The following NCOA2 variants were observed in gnomAD, a reference collection of about 807,000 sequenced individuals.
NCOA2 encodes class E basic helix-loop-helix protein 75.
NCOA2 carries 21 observed loss-of-function variants against 145.1 expected under a neutral mutation model. The observed-to-expected ratio is 0.14, with a 90% CI of 0.10 to 0.21. The LOEUF is 0.21. Among genes scored for constraint, NCOA2 ranks in the 10% least tolerant of loss-of-function variants. The probability of loss-of-function intolerance (pLI) is 1.00; values close to 1 mark genes in which losing one functional copy is unlikely to be tolerated. For synonymous variants in NCOA2, 619 were observed against 637.5 expected (o/e 0.97, Z 0.44); for missense variants, 1,472 against 1,837.6 (o/e 0.80, Z 3.64).
At chr8:70,230,906 C>T (rs1821073366) in intron 2 of NCOA2, among the ~76,000 whole-genome samples, 1 of 152,136 alleles carries the variant, frequency 6.6e-6, no homozygotes, top group South Asian at 2.1e-4. Context: ...TTAATGTTAT[C>T]CACCATGTCA....
intron 2 of NCOA2, among the ~76,000 whole-genome samples, chr8:70,289,010 C>T (rs1167365680): frequency 1.3e-5 from 2 of 152,138 alleles, no homozygotes; most frequent in African/African-American, 4.8e-5. Flanking sequence ...TAATAAGAAA[C>T]TCATCAAACC....
At chr8:70,387,523 A>C (rs1252607474) in intron 1 of NCOA2, among the ~76,000 whole-genome samples, 1 of 152,170 alleles carries the variant, frequency 6.6e-6, no homozygotes, top group Non-Finnish European at 1.5e-5. Context: ...TCAACTTTCT[A>C]CAAATTAGCC....
At chr8:70,287,118 C>T (rs953346314) in intron 2 of NCOA2, among the ~76,000 whole-genome samples, 1 of 152,044 alleles carries the variant, frequency 6.6e-6, no homozygotes, top group African/African-American at 2.4e-5. Context: ...GTGGTATACA[C>T]CTGTAATCTC....
At position 70,166,606 on chromosome 8, in the gene NCOA2, G is replaced by A. The variant is rs371127608; in HGVS notation, c.690C>T (p.Phe230=). 21 of 1,613,828 alleles carry A rather than the reference G, an allele frequency of 1.3e-5. No homozygotes were observed. The highest frequency in any genetic ancestry group is 1.6e-5 in the Non-Finnish European group (19 of 1,179,886). ...TGATGGACTTTGGTTGAGAGACAGC[G>A]AAGCACTGCATAGTTTCATATTTCT... The part of the protein sequence containing the change: ...AHQKYETMQC[F]AVSQPKSIKE... The change falls in exon 7 of 23, where the codon TTC becomes TTT. Residue 230 remains phenylalanine (F), a synonymous_variant. Transcript: ENST00000452400.
intron 1 of NCOA2, among the ~76,000 whole-genome samples, chr8:70,310,878 C>G (rs1805053784): frequency 6.6e-6 from 1 of 152,170 alleles, no homozygotes; most frequent in South Asian, 2.1e-4. Context: ...TAGCATTTCT[C>G]TATTCAAATT....
chr8:70,247,909 T>C (rs1476909970), intron 2 of NCOA2, among the ~76,000 whole-genome samples: 1 of 152,250 alleles, frequency 6.6e-6, no homozygotes, highest in Non-Finnish European at 1.5e-5. Flanking sequence ...TCAAGATGTA[T>C]TGCTGTTAGC....
chr8:70,286,746 G>A (rs1400577789), intron 2 of NCOA2, among the ~76,000 whole-genome samples: 1 of 152,096 alleles, frequency 6.6e-6, no homozygotes, highest in Non-Finnish European at 1.5e-5. Context: ...ATACTCATAA[G>A]CAACCAAAAA....
At position 70,116,221 on chromosome 8, in the gene NCOA2, A is replaced by G. The variant is rs143892555; in HGVS notation, c.4384-2578T>C. On this transcript the variant is annotated intron_variant, in intron 22 of 22. Coordinates refer to ENST00000452400, the MANE Select transcript of NCOA2 (RefSeq NM_006540.4). ...AAAAAAAAAAAAGGATGACAGTAGT[A>G]TCTTGTTCAACAAATAGAACCAAGT... Among the ~76,000 whole-genome samples, 557 of 147,818 alleles carry G rather than the reference A, an allele frequency of 3.8e-3. 1 individual carries two copies. Among genetic ancestry groups the G allele is most frequent in the Non-Finnish European group, 6.2e-3 (414 of 67,192 alleles).
In NCOA2 at chr8:70,156,859, G is replaced by A. The variant is rs1450791362; in HGVS notation, c.1506C>T (p.Ile502=). Residue 502 remains isoleucine (I), a synonymous_variant, in exon 11 of 23, where the codon ATC becomes ATT. Coordinates refer to ENST00000452400, the MANE Select transcript of NCOA2 (RefSeq NM_006540.4). ...CTGCAGGGGAAAACTGACTGGGTGG[G>A]ATTCGAGGGCTGCCAGCCACTCCAG... ...MSPGVAGSPR[I]PPSQFSPAGS... 1 of 1,613,888 alleles carries A rather than the reference G, an allele frequency of 6.2e-7. No individual in the cohort carries two copies. The highest frequency in any genetic ancestry group is 2.2e-5 in the East Asian group (1 of 44,892).
chr8:70,366,413 GT>G (rs1338456530), intron 1 of NCOA2, among the ~76,000 whole-genome samples: 3 of 152,022 alleles, frequency 2.0e-5, no homozygotes, highest in Non-Finnish European at 4.4e-5. Context: ...TAATATAAAG[GT>G]TATTAAATGT....
At chr8:70,338,699 G>A (rs1807852786) in intron 1 of NCOA2, among the ~76,000 whole-genome samples, 1 of 152,066 alleles carries the variant, frequency 6.6e-6, no homozygotes, top group Non-Finnish European at 1.5e-5. Flanking sequence ...TAAAATACTG[G>A]CAAACTGAAT....
At chr8:70,237,771 C>T (rs1344767554) in intron 2 of NCOA2, among the ~76,000 whole-genome samples, 5 of 151,736 alleles carry the variant, frequency 3.3e-5, no homozygotes, top group African/African-American at 4.8e-5. Context: ...CTCCATCTTC[C>T]AAAACAACAA....
intron 1 of NCOA2, among the ~76,000 whole-genome samples, chr8:70,350,969 C>A (rs1203684623): frequency 6.6e-6 from 1 of 152,178 alleles, no homozygotes; most frequent in East Asian, 1.9e-4. Flanking sequence ...AGATGCTTGG[C>A]AACTGATGAT....
chr8:70,144,149 T>C (rs781779643), intron 13 of NCOA2, among the ~76,000 whole-genome samples: 1 of 152,256 alleles, frequency 6.6e-6, no homozygotes. Context: ...GGACCAGATC[T>C]GAAAGCTATT....
chr8:70,194,307 T>TAGCTA (rs889589357), intron 4 of NCOA2, among the ~76,000 whole-genome samples: 125 of 152,352 alleles, frequency 8.2e-4, no homozygotes, highest in African/African-American at 2.9e-3. Flanking sequence ...GTCTTGTATA[T>TAGCTA]AGCTAAGCAC....
At chr8:70,254,027 A>C (rs1185744367) in intron 2 of NCOA2, among the ~76,000 whole-genome samples, 1 of 152,158 alleles carries the variant, frequency 6.6e-6, no homozygotes, top group Non-Finnish European at 1.5e-5. Context: ...TATATGAAGA[A>C]CTCCTACAAC....
chr8:70,221,621 C>A (rs1820143433), intron 2 of NCOA2, among the ~76,000 whole-genome samples: 1 of 152,144 alleles, frequency 6.6e-6, no homozygotes. Context: ...AAGGGAAATA[C>A]CTCTTTTCAA....
At chr8:70,396,576 T>C (rs997329051) in intron 1 of NCOA2, among the ~76,000 whole-genome samples, 1 of 152,238 alleles carries the variant, frequency 6.6e-6, no homozygotes, top group African/African-American at 2.4e-5. Context: ...ACTATTTTAC[T>C]TCACCCATAT....
At chr8:70,194,113 T>C (rs1816992348) in intron 4 of NCOA2, among the ~76,000 whole-genome samples, 1 of 152,230 alleles carries the variant, frequency 6.6e-6, no homozygotes, top group Non-Finnish European at 1.5e-5. Flanking sequence ...TTTTTCTATG[T>C]GACTATGTTG....
Sources: allele counts gnomAD v4.1 joint callset (sites outside exome capture counted in the v4.1 genomes callset), GRCh38; gene constraint gnomAD v4.1.1; transcripts MANE v1.5; gene names NCBI Gene and HGNC (gene_info 2026-07-23, HGNC 2026-07-21).